PTPRD: variants seen among roughly 807,000 people sequenced by gnomAD.
The protein encoded by PTPRD is protein tyrosine phosphatase receptor type D, also known as receptor-type tyrosine-protein phosphatase delta.
A neutral mutation model predicts 214.5 loss-of-function variants in PTPRD; 34 were observed. That is an observed-to-expected ratio of 0.16 (90% CI 0.12 to 0.21). PTPRD has a LOEUF of 0.21. Ranked by LOEUF, PTPRD falls within the 10% of genes least tolerant of loss-of-function variation. PTPRD has a pLI of 1.00. For missense variants in PTPRD, 2,545 were observed against 2,398.7 expected (o/e 1.06, Z -1.27); for synonymous variants, 1,128 against 845.7 (o/e 1.33, Z -5.79).
At chr9:10,514,522 T>C (rs533405514) in intron 2 of PTPRD, among the ~76,000 whole-genome samples, 1 of 151,836 alleles carries the variant, frequency 6.6e-6, no homozygotes, top group Non-Finnish European at 1.5e-5. Flanking sequence ...GCAATGAATA[T>C]TTTTTATTTT....
At chr9:10,390,583 T>C (rs2098039336) in intron 2 of PTPRD, among the ~76,000 whole-genome samples, 2 of 151,826 alleles carry the variant, frequency 1.3e-5, no homozygotes, top group Non-Finnish European at 2.9e-5. Flanking sequence ...TGTTTGACTA[T>C]GAAGCTTAAG....
chr9:8,733,854 G>A lies in PTPRD; in HGVS notation c.-11C>T, dbSNP rs1008360541. 1.9e-6 allele frequency: 3 copies of A among 1,550,378 alleles called. No homozygotes were observed. In the African/African-American group the frequency reaches 4.1e-5, roughly 21 times the overall value. ...GGCTACGTGCACCATCCTGCAGCTT[G>A]GCAGCAGCGTGCGCGAGCAGCTTGG... On this transcript the variant is annotated 5_prime_UTR_variant, in exon 12 of 46. Transcript: ENST00000381196.
chr9:8,992,507 C>T (rs972255882), intron 11 of PTPRD, among the ~76,000 whole-genome samples: 1 of 152,238 alleles, frequency 6.6e-6, no homozygotes, highest in Non-Finnish European at 1.5e-5. Context: ...GTAAGACCTT[C>T]GGCTATTCTA....
At chr9:10,055,013 GTT>G (rs2097599962) in intron 3 of PTPRD, among the ~76,000 whole-genome samples, 1 of 150,436 alleles carries the variant, frequency 6.6e-6, no homozygotes, top group Non-Finnish European at 1.5e-5. Context: ...AAAGATCAGT[GTT>G]TTCTCTCTTT....
chr9:9,950,345 A>C (rs920976778), intron 4 of PTPRD, among the ~76,000 whole-genome samples: 21 of 152,294 alleles, frequency 1.4e-4, no homozygotes, highest in Middle Eastern at 3.4e-3. Flanking sequence ...AACTTTGACA[A>C]ATGAGCTAGG....
chr9:10,491,372 G>A (rs537847627), intron 2 of PTPRD, among the ~76,000 whole-genome samples: 11 of 152,104 alleles, frequency 7.2e-5, no homozygotes, highest in African/African-American at 2.7e-4. Flanking sequence ...CTAATGTCAA[G>A]TAAGACATAA....
intron 4 of PTPRD, among the ~76,000 whole-genome samples, chr9:9,968,326 A>G (rs1185960469): frequency 1.3e-5 from 2 of 152,100 alleles, no homozygotes; most frequent in Non-Finnish European, 2.9e-5. Context: ...CAGTAGTACA[A>G]CCCCTAAAAC....
At chr9:9,830,931 C>T (rs1241218717) in intron 5 of PTPRD, among the ~76,000 whole-genome samples, 1 of 151,844 alleles carries the variant, frequency 6.6e-6, no homozygotes, top group Non-Finnish European at 1.5e-5. Context: ...TTGTAGGTAT[C>T]AGACCCTCAA....
At chr9:9,661,411 G>A (rs1594570192) in intron 7 of PTPRD, among the ~76,000 whole-genome samples, 1 of 151,694 alleles carries the variant, frequency 6.6e-6, no homozygotes, top group Non-Finnish European at 1.5e-5. Flanking sequence ...CATATCTTTT[G>A]AATGTTTCAA....
chr9:10,472,048 T>C (rs1266578261), intron 2 of PTPRD, among the ~76,000 whole-genome samples: 1 of 152,056 alleles, frequency 6.6e-6, no homozygotes, highest in East Asian at 1.9e-4. Flanking sequence ...TATCACAAAA[T>C]GATAAAATTT....
chr9:9,973,545 GC>G (rs2095233241), intron 4 of PTPRD, among the ~76,000 whole-genome samples: 1 of 151,868 alleles, frequency 6.6e-6, no homozygotes, highest in Admixed American at 6.6e-5. Flanking sequence ...TCAGAAAATT[GC>G]CTTAATTCCT....
chr9:9,513,728 C>A (rs1439748417), intron 8 of PTPRD, among the ~76,000 whole-genome samples: 1 of 151,862 alleles, frequency 6.6e-6, no homozygotes, highest in African/African-American at 2.4e-5. Context: ...CAATAGATAG[C>A]ACCAAAATTC....
intron 8 of PTPRD, among the ~76,000 whole-genome samples, chr9:9,542,187 C>T (rs2077741626): frequency 6.6e-6 from 1 of 151,606 alleles, no homozygotes; most frequent in African/African-American, 2.4e-5. Context: ...AAGATTATCG[C>T]AACAAACCCT....
At chr9:10,003,115 A>T (rs2096373942) in intron 4 of PTPRD, among the ~76,000 whole-genome samples, 1 of 151,906 alleles carries the variant, frequency 6.6e-6, no homozygotes, top group Non-Finnish European at 1.5e-5. Flanking sequence ...TAAAGGAAAG[A>T]TAGTCTTCTG....
intron 11 of PTPRD, among the ~76,000 whole-genome samples, chr9:8,893,582 C>T (rs2098563051): frequency 6.6e-6 from 1 of 152,140 alleles, no homozygotes; most frequent in Non-Finnish European, 1.5e-5. Context: ...GCAGTGAGAG[C>T]TCTTATGGCT....
chr9:10,433,761 C>T (rs1266581322), intron 2 of PTPRD, among the ~76,000 whole-genome samples: 1 of 151,770 alleles, frequency 6.6e-6, no homozygotes, highest in African/African-American at 2.4e-5. Flanking sequence ...ATATTTTTAA[C>T]ATAAATATTT....
chr9:9,801,320 A>T (rs1210980237), intron 5 of PTPRD, among the ~76,000 whole-genome samples: 1 of 139,114 alleles, frequency 7.2e-6, no homozygotes, highest in African/African-American at 2.9e-5. Flanking sequence ...ATCAGGTATA[A>T]GCAAGCTAAA....
chr9:9,046,545 G>A lies in PTPRD; in HGVS notation c.-142-27810C>T, dbSNP rs561260372. ...CATTTATGCACATTTTGTTACTAAC[G>A]TCTTCCTATTCCTTTTATTGATAAT... On this transcript the variant is annotated intron_variant, in intron 10 of 45. Transcript: ENST00000381196. Among the ~76,000 whole-genome samples the A allele has an allele frequency of 7.6e-4, 116 of 152,198 alleles. No homozygotes were observed. In the South Asian group the frequency reaches 0.021, roughly 28 times the overall value.
chr9:8,884,143 C>A (rs1247620911), intron 11 of PTPRD, among the ~76,000 whole-genome samples: 1 of 152,198 alleles, frequency 6.6e-6, no homozygotes, highest in East Asian at 1.9e-4. Flanking sequence ...CTGCAGTAAA[C>A]GCAGTACTTA....
Sources: allele counts gnomAD v4.1 joint callset (sites outside exome capture counted in the v4.1 genomes callset), GRCh38; gene constraint gnomAD v4.1.1; transcripts MANE v1.5; gene names NCBI Gene and HGNC (gene_info 2026-07-23, HGNC 2026-07-21).